Variants in TAF1B observed in about 807,000 individuals in gnomAD.
TAF1B encodes the protein TATA-box binding protein associated factor, RNA polymerase I subunit B.
A neutral mutation model predicts 83.9 loss-of-function variants in TAF1B; 61 were observed. That is an observed-to-expected ratio of 0.73 (90% CI 0.59 to 0.90). The LOEUF (loss-of-function observed/expected upper bound fraction) is 0.90, where lower values mean the gene tolerates loss of function less well. Among genes scored for constraint, TAF1B ranks in the 40% least tolerant of loss-of-function variants. The pLI is 0.00. For synonymous variants in TAF1B, 221 were observed against 224.6 expected, an observed-to-expected ratio of 0.98 and a Z score of 0.14; for missense variants, 625 against 677.0, an observed-to-expected ratio of 0.92 and a Z score of 0.85.
chr2:9,908,457 C>T (rs568067953), intron 9 of TAF1B, among the ~76,000 whole-genome samples: 1 of 152,272 alleles, frequency 6.6e-6, no homozygotes, highest in Admixed American at 6.5e-5. Context: ...ACTGTAGCTT[C>T]TACAACCCAA....
At chr2:9,923,628 G>A (rs1483702100) in intron 14 of TAF1B, among the ~76,000 whole-genome samples, 2 of 151,952 alleles carry the variant, frequency 1.3e-5, no homozygotes, top group Non-Finnish European at 2.9e-5. Flanking sequence ...GCAGTGAGCC[G>A]AGATCACGCC....
intron 4 of TAF1B, 28 bp from the exon 5 acceptor site, chr2:9,854,297 AC>A: frequency 6.5e-7 from 1 of 1,538,758 alleles, no homozygotes; most frequent in Non-Finnish European, 9.0e-7. Flanking sequence ...AACCTGAATC[AC>A]CCACCACTCA....
intron 8 of TAF1B, among the ~76,000 whole-genome samples, chr2:9,894,441 C>G (rs1664959659): frequency 6.6e-6 from 1 of 152,090 alleles, no homozygotes; most frequent in South Asian, 2.1e-4. Context: ...ATAACTTCTG[C>G]TTGTTAGCAA....
intron 8 of TAF1B, among the ~76,000 whole-genome samples, chr2:9,902,982 GTCTTATTCATCTTTTTATTTCTGAGATTA>G: frequency 6.6e-6 from 1 of 152,242 alleles, no homozygotes; most frequent in Admixed American, 6.5e-5. Flanking sequence ...TAAGGAGATT[GTCTTATTCATCTTTTTATTTCTGAGATTA>G]TCTTATTCAT....
chr2:9,850,719 A>T (rs1430204014), intron 3 of TAF1B, among the ~76,000 whole-genome samples: 1 of 152,182 alleles, frequency 6.6e-6, no homozygotes, highest in African/African-American at 2.4e-5. Context: ...TCCAGCAGTG[A>T]GGGGCAAAAC....
intron 13 of TAF1B, among the ~76,000 whole-genome samples, 173 bp downstream of exon 13, chr2:9,919,284 C>G (rs1220928616): frequency 6.6e-6 from 1 of 152,242 alleles, no homozygotes; most frequent in Admixed American, 6.5e-5. Flanking sequence ...CTGCAGGAAT[C>G]TACTTCAGGA....
intron 14 of TAF1B, among the ~76,000 whole-genome samples, chr2:9,921,545 G>C (rs1225003536): frequency 1.3e-5 from 2 of 152,158 alleles, no homozygotes; most frequent in Non-Finnish European, 2.9e-5. Context: ...ATTATCCTAA[G>C]TCCTAGATAG....
intron 14 of TAF1B, among the ~76,000 whole-genome samples, chr2:9,922,592 T>A (rs1265101430): frequency 2.0e-5 from 3 of 152,168 alleles, no homozygotes; most frequent in Admixed American, 6.5e-5. Flanking sequence ...TCCCCTGGCC[T>A]ATTTCATTTT....
chr2:9,855,169 A>T (rs1310899432), intron 5 of TAF1B, among the ~76,000 whole-genome samples: 1 of 152,030 alleles, frequency 6.6e-6, no homozygotes, highest in Non-Finnish European at 1.5e-5. Context: ...TCATTTTTGT[A>T]TTTTTAGTAG....
At chr2:9,898,056 G>A (rs1325441540) in intron 8 of TAF1B, among the ~76,000 whole-genome samples, 2 of 150,582 alleles carry the variant, frequency 1.3e-5, no homozygotes, top group Non-Finnish European at 2.9e-5. Context: ...CAAACTTGGA[G>A]AGTAAAACTA....
intron 3 of TAF1B, 114 bp from the exon 4 acceptor site, chr2:9,851,427 G>A (rs287991): frequency 0.97 from 721,262 of 740,310 alleles, 351,109 homozygotes; most frequent in African/African-American, 0.99. Context: ...TGGGTTAATT[G>A]AAAAAAAAAG....
chr2:9,868,863 G>A (rs984565545), intron 6 of TAF1B: 2 of 342,366 alleles, frequency 5.8e-6, no homozygotes, highest in Admixed American at 4.2e-5. Context: ...TTACATGTGT[G>A]TTTTACTTTC....
intron 12 of TAF1B, among the ~76,000 whole-genome samples, chr2:9,917,638 C>G (rs143765858): frequency 6.6e-6 from 1 of 152,298 alleles, no homozygotes; most frequent in East Asian, 1.9e-4. Context: ...CATTTATTCA[C>G]CCAATTATTC....
chr2:9,871,759 A>G (rs1301967262), intron 6 of TAF1B, among the ~76,000 whole-genome samples: 2 of 152,106 alleles, frequency 1.3e-5, no homozygotes, highest in Non-Finnish European at 2.9e-5. Context: ...CAGATTCCTC[A>G]GAGAAATCTC....
rs767164297 is a variant in TAF1B at position 9,876,069 on chromosome 2, TA to T, written c.707+53del. The T allele has an allele frequency of 2.7e-6, 4 of 1,489,772 alleles. No individual in the cohort carries two copies. The Admixed American group carries it at 5.9e-5, about 22-fold the overall frequency. The allele number at this position is 1,489,772 out of a possible 1,614,324, so 92.3% of individuals were successfully genotyped here. ...TATTTTTGCTGGTTACTACATGAAC[TA>T]AGTAGACAAACTTCGGATATTTTGA... On this transcript the variant is annotated intron_variant, in intron 7 of 14. Transcript: ENST00000263663.
chr2:9,908,313 C>A (rs550115813), intron 9 of TAF1B, among the ~76,000 whole-genome samples: 1 of 152,028 alleles, frequency 6.6e-6, no homozygotes, highest in South Asian at 2.1e-4. Context: ...TCCCAAACTG[C>A]TGGGATTACA....
At chr2:9,843,688 G>A (rs116365332) in intron 1 of TAF1B, 129 bp downstream of exon 1, 60,004 of 1,094,330 alleles carry the variant, frequency 0.055, 1,978 homozygotes, top group Non-Finnish European at 0.065. Context: ...CGGGGCGGAG[G>A]GCTGCAGGGC....
chr2:9,867,050 A>G (rs987111345), intron 5 of TAF1B, among the ~76,000 whole-genome samples: 7 of 152,230 alleles, frequency 4.6e-5, no homozygotes, highest in Admixed American at 4.6e-4. Flanking sequence ...AGAAACCTGC[A>G]TGTTGTGCAC....
chr2:9,867,055 G>A lies in TAF1B; in HGVS notation c.400-1221G>A, dbSNP rs1020182092. 2.0e-5 allele frequency among the ~76,000 whole-genome samples: 3 copies of A among 152,256 alleles called. No homozygotes were observed. In the East Asian group the frequency reaches 5.8e-4, roughly 29 times the overall value. On this transcript the variant is annotated intron_variant, in intron 5 of 14. Transcript: ENST00000263663. ...TACATATGTAAGAAACCTGCATGTT[G>A]TGCACATGTACCCTAAAACTTAAAG...
Sources: gnomAD v4.1 joint callset for allele counts (sites outside exome capture counted in the v4.1 genomes callset) on GRCh38, gnomAD v4.1.1 for gene constraint, MANE v1.5 for transcripts, NCBI Gene and HGNC (gene_info 2026-07-23, HGNC 2026-07-21) for gene names.